The following MALRD1 variants were observed in gnomAD, a reference collection of about 807,000 sequenced individuals.
MALRD1 encodes MAM and LDL-receptor class A domain-containing protein 1.
A neutral mutation model predicts 242.1 loss-of-function variants in MALRD1; 247 were observed. The observed-to-expected ratio is 1.02, with a 90% CI of 0.92 to 1.13. MALRD1 has a LOEUF of 1.13. Ranked by LOEUF, MALRD1 falls within the 50% of genes most tolerant of loss-of-function variation. The probability of loss-of-function intolerance (pLI) is 0.00; values close to 1 mark genes in which losing one functional copy is unlikely to be tolerated. For missense variants in MALRD1, 2,989 were observed against 2,533.1 expected (o/e 1.18, Z -3.86); for synonymous variants, 995 against 866.6 (o/e 1.15, Z -2.60).
intron 34 of MALRD1, among the ~76,000 whole-genome samples, chr10:19,598,866 A>G (rs1838227017): frequency 6.6e-6 from 1 of 152,160 alleles, no homozygotes; most frequent in South Asian, 2.1e-4. Flanking sequence ...TCCTAGACAT[A>G]GCGGGGTCAC....
rs984144055 is a variant in MALRD1, at chr10:19,103,994, C to A, written c.613C>A (p.Gln205Lys). The A allele has an allele frequency of 6.4e-5, 79 of 1,233,546 alleles. No homozygotes were observed. The highest frequency in any genetic ancestry group is 7.6e-5 in the Non-Finnish European group (75 of 988,024). The allele number at this position is 1,233,546 out of a possible 1,614,324, so 76.4% of individuals were successfully genotyped here. ...TCTGGTGCAGGTTGTTTTTGAAGGTCAAATGGCTTCAACGTATGAACAGGA... is the reference window on the plus strand; with the variant it reads ...TCTGGTGCAGGTTGTTTTTGAAGGTAAAATGGCTTCAACGTATGAACAGGA... ...SQRFQVVFEG[Q>K]MASTYEQDEV... Residue 205 changes from glutamine (Q) to lysine (K), a missense_variant, in exon 5 of 40, where the codon CAA becomes AAA. Physicochemically the swap from Gln to Lys is moderately conservative, Grantham distance 53 (BLOSUM62 1). Transcript: ENST00000454679.
intron 30 of MALRD1, among the ~76,000 whole-genome samples, chr10:19,495,509 T>C (rs1436829274): frequency 6.6e-6 from 1 of 150,398 alleles, no homozygotes. Flanking sequence ...CTAAACTTCA[T>C]AAATGAAGGA....
chr10:19,101,445 ATAT>A (rs971779174), intron 4 of MALRD1, among the ~76,000 whole-genome samples: 9 of 140,764 alleles, frequency 6.4e-5, no homozygotes, highest in East Asian at 2.0e-4. Flanking sequence ...TAATAATTAC[ATAT>A]TATATAATTT....
intron 24 of MALRD1, among the ~76,000 whole-genome samples, chr10:19,332,202 G>C (rs1239836273): frequency 6.9e-6 from 1 of 144,614 alleles, no homozygotes; most frequent in Non-Finnish European, 1.5e-5. Flanking sequence ...AAAAATGACA[G>C]GCAAAATTTT....
At chr10:19,350,344 C>T (rs1235061409) in intron 25 of MALRD1, among the ~76,000 whole-genome samples, 2 of 142,272 alleles carry the variant, frequency 1.4e-5, no homozygotes, top group African/African-American at 2.6e-5. Context: ...GATCTCTGCT[C>T]ACTGCAACCT....
At chr10:19,404,688 T>C (rs745848516) in intron 28 of MALRD1, among the ~76,000 whole-genome samples, 3 of 152,156 alleles carry the variant, frequency 2.0e-5, no homozygotes, top group Admixed American at 6.6e-5. Flanking sequence ...GATTGTTTTA[T>C]ATCACTTCAC....
intron 29 of MALRD1, among the ~76,000 whole-genome samples, chr10:19,460,103 A>G (rs115428907): frequency 6.6e-6 from 1 of 152,134 alleles, no homozygotes; most frequent in South Asian, 2.1e-4. Context: ...TTACTGAACT[A>G]TATTTTACTT....
At chr10:19,715,921 G>A (rs923337495) in intron 38 of MALRD1, among the ~76,000 whole-genome samples, 1 of 152,132 alleles carries the variant, frequency 6.6e-6, no homozygotes, top group African/African-American at 2.4e-5. Context: ...CCCTTCATGG[G>A]GGATCTGCCC....
At chr10:19,196,704 G>A (rs1265015923) in intron 14 of MALRD1, among the ~76,000 whole-genome samples, 2 of 152,036 alleles carry the variant, frequency 1.3e-5, no homozygotes, top group Non-Finnish European at 2.9e-5. Flanking sequence ...AGTGCAACAT[G>A]TCCAAAATTG....
intron 29 of MALRD1, among the ~76,000 whole-genome samples, chr10:19,467,581 GAA>G (rs1836283939): frequency 6.6e-6 from 1 of 151,574 alleles, no homozygotes; most frequent in Non-Finnish European, 1.5e-5. Flanking sequence ...AATTTTGGGG[GAA>G]AGGATGTAAT....
chr10:19,272,774 A>G (rs1011507367), intron 19 of MALRD1, among the ~76,000 whole-genome samples: 6 of 152,120 alleles, frequency 3.9e-5, no homozygotes, highest in Admixed American at 6.6e-5. Context: ...GAGTGAGAAC[A>G]TGTGGTGTTT....
At chr10:19,310,367 T>C (rs1842378007) in intron 21 of MALRD1, among the ~76,000 whole-genome samples, 1 of 151,494 alleles carries the variant, frequency 6.6e-6, no homozygotes, top group Non-Finnish European at 1.5e-5. Context: ...GGGATAACTA[T>C]ATTTAAACGC....
intron 28 of MALRD1, among the ~76,000 whole-genome samples, chr10:19,437,665 G>T (rs559493180): frequency 1.3e-5 from 2 of 151,770 alleles, no homozygotes; most frequent in African/African-American, 4.8e-5. Flanking sequence ...AATTTTATTT[G>T]AATATAACAT....
At chr10:19,605,235 A>G (rs1029450437) in intron 34 of MALRD1, among the ~76,000 whole-genome samples, 3 of 151,054 alleles carry the variant, frequency 2.0e-5, no homozygotes, top group Admixed American at 2.0e-4. Flanking sequence ...GCTCACTGTA[A>G]CCTCCACCTC....
chr10:19,545,166 T>G (rs539608855), intron 32 of MALRD1, among the ~76,000 whole-genome samples: 1 of 152,248 alleles, frequency 6.6e-6, no homozygotes, highest in South Asian at 2.1e-4. Context: ...CTATCCCTCA[T>G]GTTTCTTCTT....
At chr10:19,429,362 G>T (rs1834029946) in intron 28 of MALRD1, among the ~76,000 whole-genome samples, 1 of 152,054 alleles carries the variant, frequency 6.6e-6, no homozygotes, top group South Asian at 2.1e-4. Flanking sequence ...CTGAGGTCAG[G>T]AGTTTAAGAC....
chr10:19,069,351 C>T (rs935712770), intron 2 of MALRD1, among the ~76,000 whole-genome samples: 2 of 151,852 alleles, frequency 1.3e-5, no homozygotes, highest in Non-Finnish European at 2.9e-5. Context: ...TGTTCTATAG[C>T]GTTCACATAT....
At chr10:19,394,371 A>G (rs1329970168) in intron 28 of MALRD1, among the ~76,000 whole-genome samples, 1 of 152,184 alleles carries the variant, frequency 6.6e-6, no homozygotes, top group East Asian at 1.9e-4. Flanking sequence ...CTGAATTCTA[A>G]CTTAAGGCTC....
chr10:19,577,097 G>T (rs1836869905), intron 33 of MALRD1, among the ~76,000 whole-genome samples: 1 of 150,766 alleles, frequency 6.6e-6, no homozygotes, highest in South Asian at 2.1e-4. Flanking sequence ...TATAACAATT[G>T]TAGATAAATT....
Sources: allele counts gnomAD v4.1 joint callset (sites outside exome capture counted in the v4.1 genomes callset), GRCh38; gene constraint gnomAD v4.1.1; transcripts MANE v1.5; gene names NCBI Gene and HGNC (gene_info 2026-07-23, HGNC 2026-07-21).